The following RPS6KC1 variants were observed in gnomAD, a reference collection of about 807,000 sequenced individuals.
RPS6KC1 encodes inactive ribosomal protein S6 kinase delta-1.
Under a neutral mutation model 103.8 loss-of-function variants are expected in RPS6KC1, and 54 were observed. That is an observed-to-expected ratio of 0.52 (90% CI 0.42 to 0.65). RPS6KC1 has a LOEUF of 0.65. Among genes scored for constraint, RPS6KC1 ranks in the 30% least tolerant of loss-of-function variants. RPS6KC1 has a pLI of 0.00. For synonymous variants in RPS6KC1, 439 were observed against 438.7 expected, an observed-to-expected ratio of 1.00 and a Z score of -0.01; for missense variants, 1,151 against 1,253.8, an observed-to-expected ratio of 0.92 and a Z score of 1.24.
chr1:213,596,144 G>A, the RPS6KC1 span, among the ~76,000 whole-genome samples: 1 of 151,820 alleles, frequency 6.6e-6, no homozygotes, highest in Admixed American at 6.5e-5. Context: ...GAGGAGGAAG[G>A]CAGTATCACA....
chr1:213,218,274 C>A (rs1440356804), intron 8 of RPS6KC1, among the ~76,000 whole-genome samples: 1 of 152,088 alleles, frequency 6.6e-6, no homozygotes, highest in Non-Finnish European at 1.5e-5. Context: ...TTCACAATTG[C>A]TTCAAAGAGA....
chr1:213,109,404 T>C (rs368684151), intron 4 of RPS6KC1, among the ~76,000 whole-genome samples: 9 of 152,216 alleles, frequency 5.9e-5, no homozygotes, highest in African/African-American at 2.2e-4. Flanking sequence ...CCCAAAGTGC[T>C]GGGATTACAG....
chr1:213,639,007 A>T, the RPS6KC1 span, among the ~76,000 whole-genome samples: 1 of 151,922 alleles, frequency 6.6e-6, no homozygotes, highest in Non-Finnish European at 1.5e-5. Context: ...CCATTTATTT[A>T]TGTCCTCTTT....
At chr1:213,429,954 A>G in the RPS6KC1 span, among the ~76,000 whole-genome samples, 3 of 152,214 alleles carry the variant, frequency 2.0e-5, no homozygotes, top group Non-Finnish European at 2.9e-5. Context: ...TTGGAGTTCA[A>G]CAGGAACTAG....
the RPS6KC1 span, among the ~76,000 whole-genome samples, chr1:213,289,009 C>A: frequency 6.6e-6 from 1 of 151,998 alleles, no homozygotes; most frequent in Non-Finnish European, 1.5e-5. Flanking sequence ...TTCAGGTTTC[C>A]GAAGCGCATC....
At chr1:213,856,424 T>C in the RPS6KC1 span, among the ~76,000 whole-genome samples, 1 of 151,894 alleles carries the variant, frequency 6.6e-6, no homozygotes, top group African/African-American at 2.4e-5. Flanking sequence ...TCCTTCTTCT[T>C]TCTCTCTCTC....
At chr1:213,349,846 G>A in the RPS6KC1 span, among the ~76,000 whole-genome samples, 7 of 152,206 alleles carry the variant, frequency 4.6e-5, no homozygotes, top group Non-Finnish European at 1.5e-5. Flanking sequence ...CCATAAGCAT[G>A]CACTAAAGAG....
the RPS6KC1 span, among the ~76,000 whole-genome samples, chr1:213,511,995 T>G: frequency 1.3e-5 from 2 of 152,230 alleles, no homozygotes; most frequent in East Asian, 3.8e-4. Flanking sequence ...ATGTGTTTAG[T>G]AAGACTTTAT....
the RPS6KC1 span, among the ~76,000 whole-genome samples, chr1:213,479,381 T>C: frequency 2.0e-5 from 3 of 152,042 alleles, no homozygotes; most frequent in Non-Finnish European, 4.4e-5. Flanking sequence ...TTCTTACCAG[T>C]AATTGGTGTG....
At chr1:213,150,292 T>C (rs938949719) in intron 6 of RPS6KC1, among the ~76,000 whole-genome samples, 2 of 121,592 alleles carry the variant, frequency 1.6e-5, no homozygotes. Flanking sequence ...ATGTACATTA[T>C]ATGTTATTTA....
At chr1:213,413,791 C>T in the RPS6KC1 span, among the ~76,000 whole-genome samples, 8 of 152,176 alleles carry the variant, frequency 5.3e-5, no homozygotes, top group Non-Finnish European at 1.2e-4. Context: ...GAAAAGACCA[C>T]ACAGTGCATA....
the RPS6KC1 span, among the ~76,000 whole-genome samples, chr1:213,413,315 T>C: frequency 1.3e-5 from 2 of 152,240 alleles, no homozygotes; most frequent in African/African-American, 4.8e-5. Context: ...TAATAAGTTA[T>C]TGTTAATTGT....
chr1:213,382,276 G>T, the RPS6KC1 span, among the ~76,000 whole-genome samples: 1 of 152,136 alleles, frequency 6.6e-6, no homozygotes, highest in African/African-American at 2.4e-5. Context: ...GGTGGCAAAG[G>T]GTTGAGAGAT....
chr1:213,764,024 C>T, the RPS6KC1 span, among the ~76,000 whole-genome samples: 1 of 152,180 alleles, frequency 6.6e-6, no homozygotes, highest in Non-Finnish European at 1.5e-5. Flanking sequence ...CCTGAAAGAG[C>T]TGAAATTTGC....
the RPS6KC1 span, among the ~76,000 whole-genome samples, chr1:213,826,774 G>T: frequency 6.6e-5 from 10 of 152,132 alleles, no homozygotes; most frequent in Admixed American, 5.9e-4. Flanking sequence ...CCCTGGGAAG[G>T]GGGGGAAGTA....
chr1:213,599,908 T>C, the RPS6KC1 span, among the ~76,000 whole-genome samples: 1 of 152,184 alleles, frequency 6.6e-6, no homozygotes, highest in Non-Finnish European at 1.5e-5. Context: ...GGTTTGGCTC[T>C]GTGTCCCCAA....
the RPS6KC1 span, among the ~76,000 whole-genome samples, chr1:213,449,449 G>A: frequency 6.6e-6 from 1 of 152,166 alleles, no homozygotes; most frequent in African/African-American, 2.4e-5. Context: ...AGAGGCTCCT[G>A]TGTCCTCATG....
chr1:213,850,433 G>A, the RPS6KC1 span, among the ~76,000 whole-genome samples: 1 of 152,148 alleles, frequency 6.6e-6, no homozygotes, highest in Non-Finnish European at 1.5e-5. Flanking sequence ...TGCCGCTTAG[G>A]ACTCAGCTGC....
chr1:213,679,423 G>A, the RPS6KC1 span, among the ~76,000 whole-genome samples: 2 of 152,208 alleles, frequency 1.3e-5, no homozygotes, highest in African/African-American at 4.8e-5. Flanking sequence ...GCATGCCATG[G>A]CATTATCAGT....
Sources: allele counts gnomAD v4.1 joint callset (sites outside exome capture counted in the v4.1 genomes callset), GRCh38; gene constraint gnomAD v4.1.1; transcripts MANE v1.5; gene names NCBI Gene and HGNC (gene_info 2026-07-23, HGNC 2026-07-21).